Variants in OSBPL10 observed in about 807,000 individuals in gnomAD.
OSBPL10 encodes oxysterol binding protein like 10.
OSBPL10 carries 49 observed loss-of-function variants against 81.7 expected under a neutral mutation model. The observed-to-expected ratio is 0.60, with a 90% confidence interval of 0.48 to 0.76. The LOEUF (loss-of-function observed/expected upper bound fraction) is 0.76, where lower values mean the gene tolerates loss of function less well. Among genes scored for constraint, OSBPL10 ranks in the 30% least tolerant of loss-of-function variants. The probability of loss-of-function intolerance (pLI) is 0.00; values close to 1 mark genes in which losing one functional copy is unlikely to be tolerated. For synonymous variants in OSBPL10, 419 were observed against 383.6 expected (o/e 1.09, Z -1.08); for missense variants, 923 against 987.8 (o/e 0.93, Z 0.88).
At chr3:31,983,660 T>C (rs760735587), upstream of OSBPL10, among the ~76,000 whole-genome samples, 3 of 152,198 alleles carry the variant, frequency 2.0e-5, no homozygotes, top group Non-Finnish European at 4.4e-5. Flanking sequence ...TGTTCCCTGC[T>C]CTCTTCACCC....
In OSBPL10 at chr3:31,972,137, C is replaced by T. The variant is rs565210558; in HGVS notation, c.281+8762G>A. Among the ~76,000 whole-genome samples the T allele has an allele frequency of 3.9e-5, 6 of 152,338 alleles. No individual in the cohort carries two copies. The East Asian group carries it at 1.2e-3, about 29-fold the overall frequency. On this transcript the variant is annotated intron_variant, in intron 1 of 11. Transcript: ENST00000396556. ...GGCACAGTGGCTCACGCCTGTAATC[C>T]CAGCACTTCGGGAGGCCAAGGCGGG...
intron 3 of OSBPL10, among the ~76,000 whole-genome samples, chr3:31,858,362 G>A (rs1173568873): frequency 1.3e-5 from 2 of 152,012 alleles, no homozygotes; most frequent in Non-Finnish European, 2.9e-5. Context: ...TATTGCAGAA[G>A]CTCAGTTTTT....
chr3:31,782,414 GCAA>G (rs1698719119), intron 4 of OSBPL10, among the ~76,000 whole-genome samples: 1 of 152,070 alleles, frequency 6.6e-6, no homozygotes, highest in Non-Finnish European at 1.5e-5. Context: ...AAAAGCAAGT[GCAA>G]CAACAACAAA....
chr3:32,073,928 T>C (rs887884354), intron 1 of OSBPL10, among the ~76,000 whole-genome samples: 14 of 152,140 alleles, frequency 9.2e-5, no homozygotes, highest in African/African-American at 3.1e-4. Flanking sequence ...TTTACTTTTA[T>C]ACTCACTCTT....
chr3:31,810,465 A>AAAAGT (rs397693275), intron 4 of OSBPL10, among the ~76,000 whole-genome samples: 1 of 151,838 alleles, frequency 6.6e-6, no homozygotes, highest in Non-Finnish European at 1.5e-5. Flanking sequence ...ATCTCTAAAG[A>AAAAGT]TTGACACTTT....
At chr3:31,765,924 G>A (rs986287339) in intron 4 of OSBPL10, among the ~76,000 whole-genome samples, 3 of 152,142 alleles carry the variant, frequency 2.0e-5, no homozygotes, top group African/African-American at 7.2e-5. Flanking sequence ...ATGGATACAG[G>A]AAAGAGTGCC....
intron 6 of OSBPL10, among the ~76,000 whole-genome samples, chr3:31,711,915 T>C (rs1696267780): frequency 6.6e-6 from 1 of 152,084 alleles, no homozygotes; most frequent in African/African-American, 2.4e-5. Flanking sequence ...GGATATATGA[T>C]GCAAAATCAA....
intron 3 of OSBPL10, among the ~76,000 whole-genome samples, chr3:31,845,279 A>G (rs953815191): frequency 6.6e-6 from 1 of 152,224 alleles, no homozygotes; most frequent in Non-Finnish European, 1.5e-5. Context: ...TGGAACATAC[A>G]GAATATTTTA....
chr3:31,814,215 G>A, intron 4 of OSBPL10, among the ~76,000 whole-genome samples: 1 of 152,322 alleles, frequency 6.6e-6, no homozygotes, highest in East Asian at 1.9e-4. Context: ...TGCCTTCCAT[G>A]CTGAAAGACA....
In OSBPL10 at chr3:32,074,456, C is replaced by A. The variant is rs192538836; in HGVS notation, n.185+2940G>T. On this transcript the variant is annotated intron_variant and non_coding_transcript_variant, in intron 1 of 3. Transcript: ENST00000479173. ...TCCAGAACCCAGCCACACACATTAC[C>A]AAACAGATGGGAGCATTCCAACTTC... 6.2e-3 allele frequency among the ~76,000 whole-genome samples: 944 copies of A among 152,248 alleles called. 2 individuals are homozygous for A. Among genetic ancestry groups the A allele is most frequent in the Non-Finnish European group, 9.3e-3 (630 of 68,016 alleles).
At chr3:32,002,980 A>G (rs1699166623) in intron 2 of OSBPL10, among the ~76,000 whole-genome samples, 1 of 152,206 alleles carries the variant, frequency 6.6e-6, no homozygotes. Context: ...TTTAGACTTC[A>G]TTTAGGTCAG....
At chr3:31,870,509 C>T (rs1192569871) in intron 3 of OSBPL10, among the ~76,000 whole-genome samples, 6 of 152,356 alleles carry the variant, frequency 3.9e-5, no homozygotes, top group East Asian at 3.9e-4. Context: ...GAATGCATGG[C>T]GCAGGACTGG....
chr3:31,808,578 G>A (rs1699579976), intron 4 of OSBPL10, among the ~76,000 whole-genome samples: 1 of 152,198 alleles, frequency 6.6e-6, no homozygotes, highest in Non-Finnish European at 1.5e-5. Context: ...GGAAATGCAG[G>A]AGCCTGGGGC....
chr3:31,802,070 G>T (rs1325844203), intron 4 of OSBPL10, among the ~76,000 whole-genome samples: 1 of 151,160 alleles, frequency 6.6e-6, no homozygotes, highest in African/African-American at 2.4e-5. Context: ...TGATCCGTCC[G>T]CCTCGGCCTC....
chr3:31,978,271 G>A, intron 1 of OSBPL10, among the ~76,000 whole-genome samples: 1 of 152,152 alleles, frequency 6.6e-6, no homozygotes, highest in East Asian at 1.9e-4. Flanking sequence ...AAGATGCTAT[G>A]AGGCCCAGAA....
chr3:31,789,098 C>G (rs1698941231), intron 4 of OSBPL10, among the ~76,000 whole-genome samples: 1 of 152,164 alleles, frequency 6.6e-6, no homozygotes, highest in South Asian at 2.1e-4. Flanking sequence ...CCTGCCTCAA[C>G]CTCCTAAGTC....
chr3:31,921,603 T>C (rs760054870), intron 1 of OSBPL10, among the ~76,000 whole-genome samples: 24 of 152,142 alleles, frequency 1.6e-4, no homozygotes, highest in Non-Finnish European at 3.1e-4. Context: ...CATACTGATA[T>C]GAATAATGAT....
intron 2 of OSBPL10, among the ~76,000 whole-genome samples, chr3:32,026,987 T>TA (rs1699421594): frequency 6.6e-6 from 1 of 152,246 alleles, no homozygotes; most frequent in African/African-American, 2.4e-5. Flanking sequence ...GCTTGCTAAA[T>TA]AACAGCCGTG....
chr3:31,867,965 G>A (rs1393407873), intron 3 of OSBPL10, among the ~76,000 whole-genome samples: 1 of 152,070 alleles, frequency 6.6e-6, no homozygotes, highest in Non-Finnish European at 1.5e-5. Flanking sequence ...TAGGTCTATG[G>A]CCAAAGCCTG....
Sources: allele counts gnomAD v4.1 joint callset (sites outside exome capture counted in the v4.1 genomes callset), GRCh38; gene constraint gnomAD v4.1.1; transcripts MANE v1.5; gene names NCBI Gene and HGNC (gene_info 2026-07-23, HGNC 2026-07-21).